The following KCNB2 variants were observed in gnomAD, a reference collection of about 807,000 sequenced individuals.
KCNB2 encodes potassium voltage-gated channel subfamily B member 2, also known as delayed rectifier potassium channel protein.
KCNB2 carries 15 observed loss-of-function variants against 61.5 expected under a neutral mutation model. The ratio of observed to expected loss-of-function variants is 0.24; its 90% confidence interval spans 0.16 to 0.38. The LOEUF (loss-of-function observed/expected upper bound fraction) is 0.38, where lower values mean the gene tolerates loss of function less well. KCNB2 is among the 10% of genes least tolerant of loss of function. KCNB2 has a pLI of 1.00. For synonymous variants in KCNB2, 457 were observed against 446.0 expected, an observed-to-expected ratio of 1.02 and a Z score of -0.31; for missense variants, 828 against 1,125.2, an observed-to-expected ratio of 0.74 and a Z score of 3.78.
intron 2 of KCNB2, among the ~76,000 whole-genome samples, chr8:72,855,660 A>G (rs1810195587): frequency 6.6e-6 from 1 of 152,132 alleles, no homozygotes; most frequent in Non-Finnish European, 1.5e-5. Context: ...ATCTCCAAGG[A>G]CTAGTATAGC....
chr8:72,938,276 C>T lies in KCNB2; in HGVS notation c.*185C>T, dbSNP rs536327950. On this transcript the variant is annotated 3_prime_UTR_variant, in exon 3 of 3. Coordinates refer to ENST00000523207, the MANE Select transcript of KCNB2 (RefSeq NM_004770.3). ...GTACTGTTTAAATAATGAGTCAAGACTGCATTTTGTAACAAACCAACAAAA... is the reference window on the plus strand; with the variant it reads ...GTACTGTTTAAATAATGAGTCAAGATTGCATTTTGTAACAAACCAACAAAA... The T allele has an allele frequency of 1.8e-6, 1 of 542,818 alleles. No homozygotes were observed. The highest frequency in any genetic ancestry group is 3.2e-6 in the Non-Finnish European group (1 of 309,672). 33.6% of individuals were successfully genotyped at this position (542,818 alleles called of 1,614,324 possible).
At chr8:72,748,594 T>C in intron 2 of KCNB2, among the ~76,000 whole-genome samples, 1 of 141,354 alleles carries the variant, frequency 7.1e-6, no homozygotes, top group East Asian at 2.0e-4. Flanking sequence ...CTGAACTCAC[T>C]TTGGTTTTTT....
At chr8:72,912,542 G>A (rs1453954790) in intron 2 of KCNB2, among the ~76,000 whole-genome samples, 3 of 146,532 alleles carry the variant, frequency 2.0e-5, no homozygotes, top group Non-Finnish European at 4.5e-5. Context: ...ATGATATATA[G>A]GGTTTATATA....
At chr8:72,848,297 C>G (rs951315674) in intron 2 of KCNB2, among the ~76,000 whole-genome samples, 5 of 152,174 alleles carry the variant, frequency 3.3e-5, no homozygotes, top group Admixed American at 6.5e-5. Flanking sequence ...TTAGTAGCTA[C>G]TTGAATTGTT....
rs184740773 is a variant in KCNB2, at chr8:72,710,779, A to G, written c.579+142466A>G. ...TAAACCTCCAAATATACTTCTGAAA[A>G]TCTCTAGATACTTTAGAAAGAAATT... On this transcript the variant is annotated intron_variant, in intron 2 of 2. Coordinates refer to ENST00000523207, the MANE Select transcript of KCNB2 (RefSeq NM_004770.3). Among the ~76,000 whole-genome samples, 11 of 152,354 alleles carry G rather than the reference A, an allele frequency of 7.2e-5. No homozygotes were observed. In the East Asian group the frequency reaches 2.1e-3, roughly 29 times the overall value.
chr8:72,572,210 G>A (rs913364033), intron 2 of KCNB2, among the ~76,000 whole-genome samples: 1 of 152,162 alleles, frequency 6.6e-6, no homozygotes, highest in African/African-American at 2.4e-5. Flanking sequence ...CCAGCTACCT[G>A]GGTTCATGGC....
At chr8:72,820,437 G>A (rs1252987632) in intron 2 of KCNB2, among the ~76,000 whole-genome samples, 1 of 152,010 alleles carries the variant, frequency 6.6e-6, no homozygotes, top group African/African-American at 2.4e-5. Flanking sequence ...GGGCTGTCAG[G>A]GTGGCCTCCT....
rs545634509 is a variant in KCNB2 at position 72,816,861 on chromosome 8, G to A, written c.580-119074G>A. Among the ~76,000 whole-genome samples, 11 of 152,262 alleles carry A rather than the reference G, an allele frequency of 7.2e-5. No homozygotes were observed. In the East Asian group the frequency reaches 1.7e-3, roughly 24 times the overall value. On this transcript the variant is annotated intron_variant, in intron 2 of 2. Transcript: ENST00000523207. ...TTTCTTGCACACTGTGACTCATCCC[G>A]AGGCCTCCAGATGTGGAACTTCCAA... is the stretch of plus-strand genomic sequence containing the variant.
intron 2 of KCNB2, among the ~76,000 whole-genome samples, chr8:72,633,173 A>G (rs1019352933): frequency 6.6e-6 from 1 of 152,110 alleles, no homozygotes; most frequent in African/African-American, 2.4e-5. Context: ...GGTTTCTGCC[A>G]ACAATCTGAA....
chr8:72,705,365 A>G (rs1899077), intron 2 of KCNB2, among the ~76,000 whole-genome samples: 109,125 of 152,170 alleles, frequency 0.72, 40,455 homozygotes, highest in African/African-American at 0.9. Flanking sequence ...ACCATCTCCC[A>G]TCCATTAACT....
chr8:72,679,056 G>T (rs1228072718), intron 2 of KCNB2, among the ~76,000 whole-genome samples: 2 of 151,900 alleles, frequency 1.3e-5, no homozygotes, highest in East Asian at 3.9e-4. Context: ...GTGTATAGTT[G>T]GTTTTTAGGC....
chr8:72,874,548 C>T (rs1805673070), intron 2 of KCNB2, among the ~76,000 whole-genome samples: 1 of 152,236 alleles, frequency 6.6e-6, no homozygotes, highest in Admixed American at 6.5e-5. Flanking sequence ...GGTAACTAAC[C>T]AGCCAAAGCC....
chr8:72,614,847 A>C (rs1023128049), intron 2 of KCNB2, among the ~76,000 whole-genome samples: 32 of 152,334 alleles, frequency 2.1e-4, no homozygotes, highest in Middle Eastern at 3.4e-3. Context: ...CAGAGATGCC[A>C]TAACTTACAT....
intron 2 of KCNB2, among the ~76,000 whole-genome samples, chr8:72,925,151 G>A (rs776787432): frequency 6.6e-6 from 1 of 152,140 alleles, no homozygotes; most frequent in Non-Finnish European, 1.5e-5. Flanking sequence ...GCTGGGACAT[G>A]GTCTTTAGAT....
intron 2 of KCNB2, among the ~76,000 whole-genome samples, chr8:72,650,541 A>T (rs1585807011): frequency 6.6e-6 from 1 of 152,242 alleles, no homozygotes; most frequent in Admixed American, 6.5e-5. Context: ...CTTCCTCAAG[A>T]TCGTGTTCAC....
At chr8:72,690,395 T>C (rs897396226) in intron 2 of KCNB2, among the ~76,000 whole-genome samples, 1 of 152,236 alleles carries the variant, frequency 6.6e-6, no homozygotes, top group African/African-American at 2.4e-5. Context: ...TAAACTACGA[T>C]CTTTGTGTCT....
At chr8:72,812,714 T>C (rs1390261879) in intron 2 of KCNB2, among the ~76,000 whole-genome samples, 1 of 152,116 alleles carries the variant, frequency 6.6e-6, no homozygotes, top group Non-Finnish European at 1.5e-5. Context: ...TATCAATCCA[T>C]CCTTGTATTT....
At chr8:72,618,476 C>T (rs1332086438) in intron 2 of KCNB2, among the ~76,000 whole-genome samples, 1 of 152,060 alleles carries the variant, frequency 6.6e-6, no homozygotes, top group Non-Finnish European at 1.5e-5. Context: ...TGAAATAGAA[C>T]ACTAGTGAAA....
At chr8:72,638,333 C>T (rs1049975576) in intron 2 of KCNB2, among the ~76,000 whole-genome samples, 3 of 152,090 alleles carry the variant, frequency 2.0e-5, no homozygotes, top group Non-Finnish European at 4.4e-5. Context: ...TGGAAATTCA[C>T]AAAAGATTGG....
Sources: allele counts gnomAD v4.1 joint callset (sites outside exome capture counted in the v4.1 genomes callset), GRCh38; gene constraint gnomAD v4.1.1; transcripts MANE v1.5; gene names NCBI Gene and HGNC (gene_info 2026-07-23, HGNC 2026-07-21).